The following CALN1 variants were observed in gnomAD, a reference collection of about 807,000 sequenced individuals.
CALN1 encodes calcium-binding protein 8.
Under a neutral mutation model 30.6 loss-of-function variants are expected in CALN1, and 17 were observed. The ratio of observed to expected loss-of-function variants is 0.56; its 90% CI spans 0.38 to 0.83. The LOEUF (loss-of-function observed/expected upper bound fraction) is 0.83, where lower values mean the gene tolerates loss of function less well. CALN1 is among the 40% of genes least tolerant of loss of function. CALN1 has a pLI of 0.00. For missense variants in CALN1, 291 were observed against 354.9 expected (o/e 0.82, Z 1.45); for synonymous variants, 156 against 131.4 (o/e 1.19, Z -1.28).
intron 2 of CALN1, among the ~76,000 whole-genome samples, chr7:72,293,912 C>G (rs551310105): frequency 1.2e-4 from 19 of 152,108 alleles, no homozygotes; most frequent in African/African-American, 1.9e-4. Flanking sequence ...GCCTGGCCAA[C>G]ATGGTGAAAC....
intron 5 of CALN1, among the ~76,000 whole-genome samples, chr7:71,899,518 C>T (rs1419731247): frequency 2.6e-5 from 4 of 151,816 alleles, no homozygotes; most frequent in Non-Finnish European, 5.9e-5. Context: ...GTAAGCATCA[C>T]CACTGAAATT....
intron 2 of CALN1, among the ~76,000 whole-genome samples, chr7:72,391,740 T>C (rs1805596044): frequency 1.3e-5 from 2 of 152,196 alleles, no homozygotes. Context: ...TGTTTTTGCC[T>C]GCCACCATGT....
intron 3 of CALN1, among the ~76,000 whole-genome samples, chr7:72,110,884 G>A (rs1014241939): frequency 2.6e-5 from 4 of 151,986 alleles, no homozygotes; most frequent in East Asian, 1.9e-4. Flanking sequence ...TAAAACCCAC[G>A]GAGACATTGG....
At chr7:72,487,689 A>C in the CALN1 span, among the ~76,000 whole-genome samples, 66 of 124,890 alleles carry the variant, frequency 5.3e-4, no homozygotes, top group African/African-American at 2.3e-3. Flanking sequence ...AAGAAAGGAA[A>C]GAAAGAAAGA....
chr7:71,917,023 A>G (rs1371985259), intron 5 of CALN1, among the ~76,000 whole-genome samples: 1 of 152,166 alleles, frequency 6.6e-6, no homozygotes, highest in Non-Finnish European at 1.5e-5. Context: ...GAGAAGACAA[A>G]CACCAACATA....
rs368598060 is a variant in CALN1 at position 72,039,894 on chromosome 7, T to C, written c.389-16125A>G. ...CCCCATGTGTCATTGAGATGGCAGCTCTTCCAAAGCCAGCCCTCTCCTGCT... is the reference window on the plus strand; with the variant it reads ...CCCCATGTGTCATTGAGATGGCAGCCCTTCCAAAGCCAGCCCTCTCCTGCT... On this transcript the variant is annotated intron_variant, in intron 4 of 6. Coordinates refer to ENST00000395275, the MANE Select transcript of CALN1 (RefSeq NM_031468.4). Among the ~76,000 whole-genome samples the C allele has an allele frequency of 3.3e-5, 5 of 152,166 alleles. No homozygotes were observed. In the East Asian group the frequency reaches 9.6e-4, roughly 29 times the overall value.
rs972981724 is a variant in CALN1 at position 72,016,560 on chromosome 7, C to T, written c.501+7097G>A. Among the ~76,000 whole-genome samples, 13 of 151,704 alleles carry T rather than the reference C, an allele frequency of 8.6e-5. 1 individual carries two copies. The highest frequency in any genetic ancestry group is 3.1e-4 in the African/African-American group (13 of 41,278). On this transcript the variant is annotated intron_variant, in intron 5 of 6. Transcript: ENST00000395275. Reference sequence around the variant, plus strand: ...CAGGCAATCCTCCTGCCTCAGCCTCCCGAGTAGCTGGAACTACAGGTATGT... The same window carrying T: ...CAGGCAATCCTCCTGCCTCAGCCTCTCGAGTAGCTGGAACTACAGGTATGT...
At chr7:72,484,953 T>C in the CALN1 span, among the ~76,000 whole-genome samples, 1 of 152,184 alleles carries the variant, frequency 6.6e-6, no homozygotes, top group Non-Finnish European at 1.5e-5. Flanking sequence ...ATCTCTGTTC[T>C]TTTACCTTGA....
At chr7:72,182,777 AAAAC>A (rs1475954110) in intron 3 of CALN1, among the ~76,000 whole-genome samples, 5 of 151,582 alleles carry the variant, frequency 3.3e-5, no homozygotes, top group Non-Finnish European at 5.9e-5. Flanking sequence ...TGTAAAAAAA[AAAAC>A]AAACAAAAAT....
At chr7:72,140,301 AGAG>A (rs1473097287) in intron 3 of CALN1, among the ~76,000 whole-genome samples, 1 of 95,200 alleles carries the variant, frequency 1.1e-5, no homozygotes, top group Non-Finnish European at 2.1e-5. Context: ...AGAGAGAGAG[AGAG>A]AAGAAAGAGA....
At chr7:72,319,073 A>G (rs1800693344) in intron 2 of CALN1, among the ~76,000 whole-genome samples, 1 of 152,220 alleles carries the variant, frequency 6.6e-6, no homozygotes, top group Non-Finnish European at 1.5e-5. Flanking sequence ...TCAAAAAGAG[A>G]TCTGCACCCA....
At position 72,097,647 on chromosome 7, in the gene CALN1, CAA is replaced by C. The variant is rs10711051; in HGVS notation, c.388+8502_388+8503del. Among the ~76,000 whole-genome samples, 2,474 of 130,266 alleles carry C rather than the reference CAA, an allele frequency of 0.019. 192 individuals carry two copies. The East Asian group carries it at 0.29, about 15-fold the overall frequency. 85.5% of individuals were successfully genotyped at this position (130,266 alleles called of 152,430 possible). ...CAAAGTGAGACCCCCTATGTCTACC[CAA>C]AAAAAAAAAAAAAAATTAAACAGAA... On this transcript the variant is annotated intron_variant, in intron 4 of 6. Coordinates refer to ENST00000395275, the MANE Select transcript of CALN1 (RefSeq NM_031468.4).
At chr7:72,311,207 G>C (rs1158223856) in intron 2 of CALN1, among the ~76,000 whole-genome samples, 5 of 152,062 alleles carry the variant, frequency 3.3e-5, no homozygotes, top group African/African-American at 1.2e-4. Flanking sequence ...GTAATAAATA[G>C]ATTTTCTCTT....
chr7:72,146,843 A>C (rs1432696624), intron 3 of CALN1, among the ~76,000 whole-genome samples: 1 of 152,220 alleles, frequency 6.6e-6, no homozygotes, highest in East Asian at 1.9e-4. Context: ...TCTTTGACAA[A>C]CCTGACAAAA....
intron 5 of CALN1, among the ~76,000 whole-genome samples, chr7:71,949,432 G>A (rs547845734): frequency 6.6e-6 from 1 of 152,288 alleles, no homozygotes; most frequent in Non-Finnish European, 1.5e-5. Flanking sequence ...TGCCCAGACT[G>A]GAGTGCAGTG....
chr7:72,017,376 T>C (rs756905704), intron 5 of CALN1, among the ~76,000 whole-genome samples: 8 of 152,064 alleles, frequency 5.3e-5, no homozygotes, highest in Non-Finnish European at 1.0e-4. Context: ...AGCAGACCTA[T>C]GATTGATAAC....
chr7:72,062,358 G>A (rs967619781), intron 4 of CALN1, among the ~76,000 whole-genome samples: 3 of 151,498 alleles, frequency 2.0e-5, no homozygotes, highest in South Asian at 2.1e-4. Context: ...TAAAAAATAC[G>A]AAAATTAGCT....
chr7:72,215,727 C>T (rs1039041595), intron 3 of CALN1, among the ~76,000 whole-genome samples: 5 of 152,132 alleles, frequency 3.3e-5, no homozygotes, highest in African/African-American at 1.2e-4. Flanking sequence ...CGTACAGCAG[C>T]TGTGGATGGA....
At chr7:71,951,044 G>T (rs1336529266) in intron 5 of CALN1, among the ~76,000 whole-genome samples, 1 of 152,074 alleles carries the variant, frequency 6.6e-6, no homozygotes, top group Non-Finnish European at 1.5e-5. Context: ...ACATTTCCTT[G>T]TTTGTTCATT....
Sources: allele counts gnomAD v4.1 joint callset (sites outside exome capture counted in the v4.1 genomes callset), GRCh38; gene constraint gnomAD v4.1.1; transcripts MANE v1.5; gene names NCBI Gene and HGNC (gene_info 2026-07-23, HGNC 2026-07-21).